DIPK1C: variants seen among roughly 807,000 people sequenced by gnomAD.
The protein encoded by DIPK1C is familial non-conventional Alzheimer's dementia.
DIPK1C carries 33 observed loss-of-function variants against 28.0 expected under a neutral mutation model. The observed-to-expected ratio is 1.18, with a 90% CI of 0.89 to 1.58. The LOEUF (loss-of-function observed/expected upper bound fraction) is 1.58. Among genes scored for constraint, DIPK1C ranks in the 40% most tolerant of loss-of-function variants. DIPK1C has a pLI of 0.00. For synonymous variants in DIPK1C, 255 were observed against 248.8 expected, an observed-to-expected ratio of 1.02 and a Z score of -0.23; for missense variants, 569 against 568.5, an observed-to-expected ratio of 1.00 and a Z score of -0.01.
intron 1 of DIPK1C, among the ~76,000 whole-genome samples, chr18:74,449,664 C>T (rs976474794): frequency 6.6e-6 from 1 of 152,146 alleles, no homozygotes; most frequent in African/African-American, 2.4e-5. Flanking sequence ...GCACGCGAGA[C>T]AGGCCTGTAG....
upstream of DIPK1C, among the ~76,000 whole-genome samples, chr18:74,462,063 C>T (rs888300566): frequency 1.3e-5 from 2 of 152,228 alleles, no homozygotes; most frequent in Non-Finnish European, 2.9e-5. Context: ...TGCCTGACTA[C>T]TATCATTGTT....
At position 74,447,637 on chromosome 18, in the gene DIPK1C, C is replaced by G. The variant is rs886382055; in HGVS notation, c.199-354G>C. Among the ~76,000 whole-genome samples the G allele has an allele frequency of 1.3e-5, 2 of 152,184 alleles. No individual in the cohort carries two copies. Among genetic ancestry groups the G allele is most frequent in the Non-Finnish European group, 2.9e-5 (2 of 68,022 alleles). On this transcript the variant is annotated intron_variant, in intron 1 of 3. Coordinates refer to ENST00000343998, the MANE Select transcript of DIPK1C (RefSeq NM_001044369.3). This position sits in a 1 kb window ranked among gnomAD's most constrained non-coding sequence, Gnocchi z 4.1. ...TGAAGGGGCTGGACCAGGCCAGTAGCTCTCGACTCTGCCTACACTTCAGGG... is the reference window on the plus strand; with the variant it reads ...TGAAGGGGCTGGACCAGGCCAGTAGGTCTCGACTCTGCCTACACTTCAGGG...
At chr18:74,449,094 G>T (rs574456809) in intron 1 of DIPK1C, among the ~76,000 whole-genome samples, 99 of 151,940 alleles carry the variant, frequency 6.5e-4, no homozygotes, top group African/African-American at 2.3e-3. Context: ...GGGCAACAGA[G>T]CAAGAATCTG....
chr18:74,446,481 A>C, intron 2 of DIPK1C, 125 bp downstream of exon 2: 1 of 920,788 alleles, frequency 1.1e-6, no homozygotes, highest in Non-Finnish European at 1.5e-6. Flanking sequence ...GGAGTTCTCT[A>C]AGGCTGCAGA....
chr18:74,442,187 A>G, intron 2 of DIPK1C, 71 bp from the exon 3 acceptor site: 1 of 1,566,666 alleles, frequency 6.4e-7, no homozygotes, highest in Non-Finnish European at 8.7e-7. Flanking sequence ...CCTGTTCACA[A>G]CTTCTGTTCA....
chr18:74,442,487 C>T (rs370248319), intron 2 of DIPK1C, among the ~76,000 whole-genome samples: 34 of 152,136 alleles, frequency 2.2e-4, no homozygotes, highest in African/African-American at 7.0e-4. Flanking sequence ...CACCACCACA[C>T]CCGGCTAATT....
chr18:74,447,618 G>A lies in DIPK1C; in HGVS notation c.199-335C>T, dbSNP rs1017094144. ...AGGCCAGGAAACCAACAGGTGAAGG[G>A]GCTGGACCAGGCCAGTAGCTCTCGA... On this transcript the variant is annotated intron_variant, in intron 1 of 3. Coordinates refer to ENST00000343998, the MANE Select transcript of DIPK1C (RefSeq NM_001044369.3). The surrounding 1 kb of genome is among the most constrained non-coding windows in gnomAD (Gnocchi z 4.1). Among the ~76,000 whole-genome samples, 17 of 152,172 alleles carry A rather than the reference G, an allele frequency of 1.1e-4. No homozygotes were observed. The highest frequency in any genetic ancestry group is 2.4e-4 in the Non-Finnish European group (16 of 68,030).
At chr18:74,448,176 C>T (rs1986316729) in intron 1 of DIPK1C, among the ~76,000 whole-genome samples, 1 of 152,208 alleles carries the variant, frequency 6.6e-6, no homozygotes, top group African/African-American at 2.4e-5. Context: ...AAGGAGAAGA[C>T]TGTCATCCTC....
chr18:74,438,866 G>C (rs150844725), intron 3 of DIPK1C, among the ~76,000 whole-genome samples: 3 of 152,184 alleles, frequency 2.0e-5, no homozygotes, highest in East Asian at 1.9e-4. Flanking sequence ...TGAGGCATAG[G>C]GGGGCTTGGT....
chr18:74,456,556 C>A (rs936171707), intron 1 of DIPK1C, among the ~76,000 whole-genome samples: 1 of 152,194 alleles, frequency 6.6e-6, no homozygotes, highest in African/African-American at 2.4e-5. Context: ...CAGACCAGCC[C>A]TCCGCATGGG....
chr18:74,447,218 C>A lies in DIPK1C; in HGVS notation c.264G>T (p.Glu88Asp). 6.5e-7 allele frequency: 1 copy of A among 1,549,596 alleles called. No homozygotes were observed. ...AGTGCAGGCAGCGTTGGAACAGCAG[C>A]TCTCCCGCCACACACAGGTCCTCGC... ...DLCEDLCVAG[E>D]LLFQRCLHYN... Residue 88 changes from glutamate to aspartate, a missense_variant, in exon 2 of 4, where the codon GAG (glutamate) becomes GAT (aspartate). By Grantham distance (45) the Glu-to-Asp change is conservative (BLOSUM62 2). Coordinates refer to ENST00000343998, the MANE Select transcript of DIPK1C (RefSeq NM_001044369.3). This position sits in a 1 kb window ranked among gnomAD's most constrained non-coding sequence, Gnocchi z 4.1.
intron 2 of DIPK1C, among the ~76,000 whole-genome samples, chr18:74,442,536 A>C (rs965344572): frequency 1.3e-5 from 2 of 152,080 alleles, no homozygotes; most frequent in Admixed American, 6.5e-5. Flanking sequence ...TCACCGTGTT[A>C]GCCAGGATGG....
rs1430226443 is a variant in DIPK1C at position 74,447,149 on chromosome 18, C to A, written c.333G>T (p.Arg111=). The part of the protein sequence containing the change: ...KKVLQADWRG[R]PVVLKSKEEA... ...CCTCCTTGGACTTGAGGACCACGGGCCGGCCGCGCCAGTCGGCCTGCAGCA... is the reference window on the plus strand; with the variant it reads ...CCTCCTTGGACTTGAGGACCACGGGACGGCCGCGCCAGTCGGCCTGCAGCA... Residue 111 remains arginine, a synonymous_variant, in exon 2 of 4, where the codon CGG becomes CGT. Coordinates refer to ENST00000343998, the MANE Select transcript of DIPK1C (RefSeq NM_001044369.3). The surrounding 1 kb of genome is among the most constrained non-coding windows in gnomAD (Gnocchi z 4.1). 2 of 1,550,450 alleles carry A rather than the reference C, an allele frequency of 1.3e-6. No individual in the cohort carries two copies. Among genetic ancestry groups the A allele is most frequent in the African/African-American group, 2.7e-5 (2 of 73,066 alleles).
chr18:74,439,538 G>C (rs1360131499), intron 3 of DIPK1C, among the ~76,000 whole-genome samples: 4 of 152,346 alleles, frequency 2.6e-5, no homozygotes, highest in African/African-American at 9.6e-5. Context: ...AATTAAGGCT[G>C]GGTGTGGTAG....
rs537797869 is a variant in DIPK1C at position 74,442,473 on chromosome 18, T to C, written c.877-357A>G. Among the ~76,000 whole-genome samples, 642 of 152,220 alleles carry C rather than the reference T, an allele frequency of 4.2e-3. 2 individuals are homozygous for C. The highest frequency in any genetic ancestry group is 8.3e-3 in the Admixed American group (127 of 15,282). On this transcript the variant is annotated intron_variant, in intron 2 of 3. Transcript: ENST00000343998. ...CCTCCAGAGTAGCTGGGACTACAGGTGCCCACCACCACACCCGGCTAATTT... is the reference window on the plus strand; with the variant it reads ...CCTCCAGAGTAGCTGGGACTACAGGCGCCCACCACCACACCCGGCTAATTT...
Position 74,456,947 on chromosome 18 carries a change from T to C in DIPK1C, c.198+115A>G, listed in dbSNP as rs73472576. 0.58 allele frequency: 644,331 copies of C among 1,111,788 alleles called. 188,399 individuals are homozygous for C. Among genetic ancestry groups the C allele is most frequent in the East Asian group, 0.6 (17,338 of 28,836 alleles). The allele number at this position is 1,111,788 out of a possible 1,614,324, so 68.9% of individuals were successfully genotyped here. The stretch of plus-strand genomic sequence containing the variant: ...ACTCCACGCAGGTGTCGGGAACCCA[T>C]GTCCCCGGCGGGTGCCACCGCCACC... On this transcript the variant is annotated intron_variant, in intron 1 of 3. Coordinates refer to ENST00000343998, the MANE Select transcript of DIPK1C (RefSeq NM_001044369.3).
chr18:74,462,389 G>C (rs192405563), upstream of DIPK1C, among the ~76,000 whole-genome samples: 1 of 152,174 alleles, frequency 6.6e-6, no homozygotes, highest in Non-Finnish European at 1.5e-5. Flanking sequence ...AGGGTCATCC[G>C]TCTTGCACCA....
intron 3 of DIPK1C, 56 bp from the exon 4 acceptor site, chr18:74,436,775 TC>T (rs1410426876): frequency 1.4e-5 from 20 of 1,477,804 alleles, no homozygotes; most frequent in Admixed American, 1.3e-4. Flanking sequence ...CCTAAAAGCT[TC>T]CCAAGCCCAG....
intron 3 of DIPK1C, among the ~76,000 whole-genome samples, chr18:74,437,497 G>A (rs1166551187): frequency 6.6e-6 from 1 of 152,174 alleles, no homozygotes; most frequent in Non-Finnish European, 1.5e-5. Flanking sequence ...TGACCTGCGA[G>A]CTGCGTGATG....
Sources: gnomAD v4.1 joint callset for allele counts (sites outside exome capture counted in the v4.1 genomes callset) on GRCh38, gnomAD v4.1.1 for gene constraint, Gnocchi (gnomAD v3.1) non-coding constraint, MANE v1.5 for transcripts, NCBI Gene and HGNC (gene_info 2026-07-23, HGNC 2026-07-21) for gene names.